The following PGPEP1L variants were observed in gnomAD, a reference collection of about 807,000 sequenced individuals.
PGPEP1L encodes the protein pyroglutamyl-peptidase 1-like protein.
Under a neutral mutation model 6.0 loss-of-function variants are expected in PGPEP1L, and 7 were observed. The ratio of observed to expected loss-of-function variants is 1.17; its 90% CI spans 0.66 to 2.19. PGPEP1L has a LOEUF of 2.19. PGPEP1L is among the 30% of genes most tolerant of loss of function. The pLI is 0.00. For missense variants in PGPEP1L, 209 were observed against 192.5 expected (o/e 1.09, Z -0.51); for synonymous variants, 103 against 83.9 (o/e 1.23, Z -1.24).
intron 1 of PGPEP1L, among the ~76,000 whole-genome samples, chr15:99,006,433 G>A (rs1555473640): frequency 6.6e-6 from 1 of 152,248 alleles, no homozygotes; most frequent in African/African-American, 2.4e-5. Context: ...TCTTTTTAAT[G>A]TGTCAGAATA....
intron 2 of PGPEP1L, among the ~76,000 whole-genome samples, chr15:98,977,999 A>G (rs2151756766): frequency 6.6e-6 from 1 of 152,326 alleles, no homozygotes; most frequent in East Asian, 1.9e-4. Flanking sequence ...GGTCAGGAAT[A>G]GTCTTACAAG....
At chr15:98,989,156 C>T (rs1316030302) in intron 2 of PGPEP1L, among the ~76,000 whole-genome samples, 1 of 152,158 alleles carries the variant, frequency 6.6e-6, no homozygotes, top group African/African-American at 2.4e-5. Context: ...CAGAAGTAGG[C>T]TTCACAAGGT....
chr15:98,999,271 C>A (rs557475858), intron 2 of PGPEP1L, among the ~76,000 whole-genome samples: 1 of 152,270 alleles, frequency 6.6e-6, no homozygotes, highest in South Asian at 2.1e-4. Flanking sequence ...GATGGGCAAA[C>A]CACATGAAGA....
rs186335083 is a variant in PGPEP1L, at chr15:98,992,094, G to A, written c.-142+13335C>T. ...TATTCAACACAGTATTGGAAGTTCT[G>A]GTCAGGGCAGTCAGGCAAGACAAAG... On this transcript the variant is annotated intron_variant, in intron 2 of 4. Coordinates refer to ENST00000535714, the MANE Select transcript of PGPEP1L (RefSeq NM_001167902.2). Among the ~76,000 whole-genome samples, 13 of 152,246 alleles carry A rather than the reference G, an allele frequency of 8.5e-5. No homozygotes were observed. The East Asian group carries it at 1.9e-3, about 23-fold the overall frequency.
chr15:98,991,484 A>G (rs1165115395), intron 2 of PGPEP1L, among the ~76,000 whole-genome samples: 1 of 152,200 alleles, frequency 6.6e-6, no homozygotes, highest in African/African-American at 2.4e-5. Context: ...CCAACTAAAA[A>G]TAGTCCAGGA....
In PGPEP1L at chr15:98,971,064, G is replaced by A. The variant is rs1567233993; in HGVS notation, c.-47C>T. The A allele has an allele frequency of 2.5e-6, 4 of 1,613,726 alleles. No homozygotes were observed. The highest frequency in any genetic ancestry group is 2.7e-5 in the African/African-American group (2 of 74,954). Reference sequence around the variant, plus strand: ...CGGCTGATGATCTTCCCAGATTCCGGTGACCCTCCGCTTAGCCTCCCTGTA... The same window carrying A: ...CGGCTGATGATCTTCCCAGATTCCGATGACCCTCCGCTTAGCCTCCCTGTA... On this transcript the variant is annotated 5_prime_UTR_variant, in exon 3 of 5. Transcript: ENST00000535714.
At chr15:98,976,082 GT>G (rs2017565314) in intron 2 of PGPEP1L, among the ~76,000 whole-genome samples, 1 of 152,044 alleles carries the variant, frequency 6.6e-6, no homozygotes, top group South Asian at 2.1e-4. Flanking sequence ...GAAATGGAGG[GT>G]TATTGTTAAT....
chr15:98,989,605 C>T (rs1374336123), intron 2 of PGPEP1L, among the ~76,000 whole-genome samples: 1 of 152,202 alleles, frequency 6.6e-6, no homozygotes, highest in African/African-American at 2.4e-5. Context: ...GGCATGCCAA[C>T]ATTCAAATTC....
At chr15:98,977,502 T>C (rs1021392350) in intron 2 of PGPEP1L, among the ~76,000 whole-genome samples, 3 of 152,280 alleles carry the variant, frequency 2.0e-5, no homozygotes, top group African/African-American at 4.8e-5. Context: ...TCCAGATGTC[T>C]GTTATTGATT....
At chr15:98,978,732 T>A (rs894048931) in intron 2 of PGPEP1L, among the ~76,000 whole-genome samples, 1,971 of 62,308 alleles carry the variant, frequency 0.032, 15 homozygotes, top group South Asian at 0.12. Flanking sequence ...ATATATTTTT[T>A]TTTTTTTTTT....
chr15:99,001,202 C>T (rs782263353), intron 2 of PGPEP1L: 2 of 415,082 alleles, frequency 4.8e-6, no homozygotes, highest in Non-Finnish European at 9.6e-6. Context: ...GAGTCCGCGG[C>T]TTCATTCTTG....
At chr15:98,977,952 T>C (rs2017594118) in intron 2 of PGPEP1L, among the ~76,000 whole-genome samples, 1 of 152,238 alleles carries the variant, frequency 6.6e-6, no homozygotes, top group South Asian at 2.1e-4. Context: ...TGACTCCACA[T>C]TGTGAGCTCT....
chr15:98,971,156 C>T lies in PGPEP1L; in HGVS notation c.-139G>A, dbSNP rs2017488603. 1.3e-6 allele frequency: 2 copies of T among 1,547,100 alleles called. No homozygotes were observed. The highest frequency in any genetic ancestry group is 1.8e-4 in the Middle Eastern group (1 of 5,564). On this transcript the variant is annotated splice_region_variant and 5_prime_UTR_variant, in exon 3 of 5. Transcript: ENST00000535714. Reference sequence around the variant, plus strand: ...CATTCCCCAGGCCCAGCTTGGAGAGCTCCTGAGGAAAGCGGCAGGTGGACT... The same window carrying T: ...CATTCCCCAGGCCCAGCTTGGAGAGTTCCTGAGGAAAGCGGCAGGTGGACT...
chr15:98,988,546 G>C (rs2017779116), intron 2 of PGPEP1L, among the ~76,000 whole-genome samples: 2 of 152,216 alleles, frequency 1.3e-5, no homozygotes, highest in Non-Finnish European at 2.9e-5. Context: ...CTGGGGGAAG[G>C]GGCAGCTGTG....
intron 2 of PGPEP1L, among the ~76,000 whole-genome samples, chr15:98,972,743 C>T (rs994066453): frequency 2.0e-5 from 3 of 151,762 alleles, no homozygotes; most frequent in Non-Finnish European, 2.9e-5. Flanking sequence ...TGGTGGCAGG[C>T]ACCTGTAGTC....
chr15:98,994,030 G>A (rs1480570114), intron 2 of PGPEP1L, among the ~76,000 whole-genome samples: 1 of 152,132 alleles, frequency 6.6e-6, no homozygotes, highest in Non-Finnish European at 1.5e-5. Flanking sequence ...CACTTTGGGA[G>A]GCCGAGGCAG....
chr15:98,972,373 A>C (rs889590260), intron 2 of PGPEP1L, among the ~76,000 whole-genome samples: 44 of 151,214 alleles, frequency 2.9e-4, no homozygotes, highest in African/African-American at 9.4e-4. Flanking sequence ...TAAATAAATA[A>C]ATAAATAAAT....
chr15:98,987,254 CTGTT>C (rs1233539290), intron 2 of PGPEP1L, among the ~76,000 whole-genome samples: 1 of 145,360 alleles, frequency 6.9e-6, no homozygotes, highest in Non-Finnish European at 1.5e-5. Context: ...TGGCCTTCCT[CTGTT>C]TGGGGACACC....
At chr15:98,984,986 C>T (rs1427503816) in intron 2 of PGPEP1L, among the ~76,000 whole-genome samples, 5 of 147,092 alleles carry the variant, frequency 3.4e-5, no homozygotes, top group Admixed American at 6.9e-5. Context: ...GTGCTCCTTG[C>T]GGGTCCATCT....
Sources: gnomAD v4.1 joint callset for allele counts (sites outside exome capture counted in the v4.1 genomes callset) on GRCh38, gnomAD v4.1.1 for gene constraint, MANE v1.5 for transcripts, NCBI Gene and HGNC (gene_info 2026-07-23, HGNC 2026-07-21) for gene names.